Variants in NAXD observed in about 807,000 individuals in gnomAD.
The protein encoded by NAXD is ATP-dependent (S)-NAD(P)H-hydrate dehydratase.
Under a neutral mutation model 35.8 loss-of-function variants are expected in NAXD, and 22 were observed. The ratio of observed to expected loss-of-function variants is 0.62; its 90% CI spans 0.44 to 0.88. The LOEUF is 0.88. Ranked by LOEUF, NAXD falls within the 40% of genes least tolerant of loss-of-function variation. NAXD has a pLI of 0.00. For synonymous variants in NAXD, 189 were observed against 177.6 expected, an observed-to-expected ratio of 1.06 and a Z score of -0.51; for missense variants, 428 against 437.7, an observed-to-expected ratio of 0.98 and a Z score of 0.20.
chr13:110,617,712 A>G (rs1318618446), intron 1 of NAXD, among the ~76,000 whole-genome samples: 2 of 152,250 alleles, frequency 1.3e-5, no homozygotes, highest in Non-Finnish European at 2.9e-5. Flanking sequence ...CACAAAAATA[A>G]AAACAAAAAC....
Position 110,639,038 on chromosome 13 carries a change from C to A in NAXD, c.*510C>A, listed in dbSNP as rs1045614309. 3.6e-6 allele frequency: 1 copy of A among 277,356 alleles called. No homozygotes were observed. Among genetic ancestry groups the A allele is most frequent in the Admixed American group, 4.7e-5 (1 of 21,488 alleles). The allele number at this position is 277,356 out of a possible 1,614,324, so 17.2% of individuals were successfully genotyped here. ...AGGGCTGCTTCGTTCTCCAGCTCAT[C>A]TTCTTTTAAAGTGGTGACTAGCTTG... On this transcript the variant is annotated 3_prime_UTR_variant, in exon 10 of 10. Coordinates refer to ENST00000680254, the MANE Select transcript of NAXD (RefSeq NM_001242882.2).
Position 110,638,518 on chromosome 13 carries a change from T to C in NAXD, c.980T>C (p.Phe327Ser), listed in dbSNP as rs1377176561. ...AEVGAAFSKLFET is the reference protein window; with the variant it reads ...AEVGAAFSKLSET ...GTGGGGGCCGCCTTCAGCAAGCTCT[T>C]TGAAACCTGAGCCCGCGCAGACCAG... Residue 327 changes from phenylalanine to serine, a missense_variant, in exon 10 of 10, where the codon TTT becomes TCT. Phe to Ser is a radical substitution (Grantham distance 155). Coordinates refer to ENST00000680254, the MANE Select transcript of NAXD (RefSeq NM_001242882.2). The surrounding 1 kb of genome is among the most constrained non-coding windows in gnomAD (Gnocchi z 5.4). 6.2e-7 allele frequency: 1 copy of C among 1,612,452 alleles called. No individual in the cohort carries two copies. Among genetic ancestry groups the C allele is most frequent in the African/African-American group, 1.3e-5 (1 of 75,028 alleles).
In NAXD at chr13:110,628,597, G is replaced by C. The variant is rs964320142; in HGVS notation, c.441+1050G>C. 1.1e-4 allele frequency among the ~76,000 whole-genome samples: 17 copies of C among 152,128 alleles called. 1 individual carries two copies. The highest frequency in any genetic ancestry group is 2.4e-5 in the African/African-American group (1 of 41,424). On this transcript the variant is annotated intron_variant, in intron 5 of 9. Transcript: ENST00000680254. The surrounding 1 kb of genome is among the most constrained non-coding windows in gnomAD (Gnocchi z 4.1). ...TGCAGGATGAGTCATCTGAGGGGCAGGCAGACGCAGGCTGACACTGCACAG... is the reference window on the plus strand; with the variant it reads ...TGCAGGATGAGTCATCTGAGGGGCACGCAGACGCAGGCTGACACTGCACAG...
intron 2 of NAXD, among the ~76,000 whole-genome samples, chr13:110,623,112 G>A (rs73629967): frequency 0.046 from 7,023 of 152,172 alleles, 358 homozygotes; most frequent in African/African-American, 0.13. Flanking sequence ...TAGTGAAGTC[G>A]ACAAGCTTTC....
At position 110,615,748 on chromosome 13, in the gene NAXD, C is replaced by G; in HGVS notation, c.46+101C>G. Reference sequence around the variant, plus strand: ...GTCGCATTGCTCTCGGCCGCACTCGCGCTGTACGGGCCGCCACTGGACGCA... The same window carrying G: ...GTCGCATTGCTCTCGGCCGCACTCGGGCTGTACGGGCCGCCACTGGACGCA... On this transcript the variant is annotated intron_variant, in intron 1 of 9. Coordinates refer to ENST00000680254, the MANE Select transcript of NAXD (RefSeq NM_001242882.2). The G allele has an allele frequency of 6.8e-7, 1 of 1,471,622 alleles. No homozygotes were observed. Among genetic ancestry groups the G allele is most frequent in the Non-Finnish European group, 9.0e-7 (1 of 1,115,172 alleles). The allele number at this position is 1,471,622 out of a possible 1,614,324, so 91.2% of individuals were successfully genotyped here.
chr13:110,633,939 G>A (rs935820119), intron 5 of NAXD, among the ~76,000 whole-genome samples: 2 of 152,144 alleles, frequency 1.3e-5, no homozygotes, highest in Admixed American at 6.5e-5. Context: ...CGAATGCTGC[G>A]TATTAGTATC....
rs1390841331 is a variant in NAXD at position 110,622,273 on chromosome 13, C to T, written c.104C>T (p.Thr35Ile). 1.2e-6 allele frequency: 2 copies of T among 1,613,988 alleles called. No homozygotes were observed. Among genetic ancestry groups the T allele is most frequent in the Admixed American group, 1.7e-5 (1 of 59,986 alleles). ...CATTCGATAAAGGATATGGAAAATA[C>T]TTTGCAGCTGGTGAGAAATATCATA... ...KAHSIKDMEN[T>I]LQLVRNIIPP... Residue 35 changes from threonine (T) to isoleucine (I), a missense_variant, in exon 2 of 10, where the codon ACT becomes ATT. Coordinates refer to ENST00000680254, the MANE Select transcript of NAXD (RefSeq NM_001242882.2).
chr13:110,629,169 G>T (rs9588209), intron 5 of NAXD, among the ~76,000 whole-genome samples: 22,479 of 152,128 alleles, frequency 0.15, 1,961 homozygotes, highest in Admixed American at 0.26. Flanking sequence ...TCTGGTGTAG[G>T]CCTGAAAACA....
At chr13:110,637,318 T>C (rs1886964995) in intron 9 of NAXD, 69 bp downstream of exon 9, 3 of 1,567,802 alleles carry the variant, frequency 1.9e-6, no homozygotes, top group Non-Finnish European at 8.8e-7. Context: ...CAGTAGCTCA[T>C]GCGTTGAATA....
chr13:110,637,889 G>C (rs1316193130), intron 9 of NAXD: 1 of 487,608 alleles, frequency 2.1e-6, no homozygotes, highest in African/African-American at 1.9e-5. Flanking sequence ...CAAACTAGGT[G>C]TGTCCACATG....
intron 1 of NAXD, among the ~76,000 whole-genome samples, chr13:110,620,458 T>C (rs1212643543): frequency 6.6e-6 from 1 of 151,842 alleles, no homozygotes; most frequent in African/African-American, 2.4e-5. Flanking sequence ...CATGCGCCTG[T>C]AGTCCCAGCT....
At chr13:110,624,352 A>C (rs935808383) in intron 3 of NAXD, 73 bp downstream of exon 3, 1 of 936,972 alleles carries the variant, frequency 1.1e-6, no homozygotes, top group Non-Finnish European at 1.7e-6. Flanking sequence ...TGATTAAAGC[A>C]AATGTTTTCT....
chr13:110,616,590 G>T (rs557001439), intron 1 of NAXD, among the ~76,000 whole-genome samples: 1 of 152,232 alleles, frequency 6.6e-6, no homozygotes, highest in Non-Finnish European at 1.5e-5. Context: ...AATTTAAACA[G>T]GAGCTGAGCA....
Position 110,638,172 on chromosome 13 carries a change from G to A in NAXD, c.840-206G>A. The A allele has an allele frequency of 1.4e-6, 2 of 1,431,494 alleles. No individual in the cohort carries two copies. The highest frequency in any genetic ancestry group is 4.5e-5 in the Admixed American group (2 of 44,730). 88.7% of individuals were successfully genotyped at this position (1,431,494 alleles called of 1,614,324 possible). A position where few individuals can be genotyped will look rare whatever the true frequency, so the allele number is the denominator to read the frequency against. ...CTCCGAGTACATAGACGTTTCCTGT[G>A]TGCCTCCTGCCAGGGAGTAGTGGAG... On this transcript the variant is annotated intron_variant, in intron 9 of 9. Coordinates refer to ENST00000680254, the MANE Select transcript of NAXD (RefSeq NM_001242882.2). This position sits in a 1 kb window ranked among gnomAD's most constrained non-coding sequence, Gnocchi z 5.4.
intron 4 of NAXD, among the ~76,000 whole-genome samples, chr13:110,626,944 C>A (rs1421268531): frequency 6.6e-6 from 1 of 152,132 alleles, no homozygotes; most frequent in Non-Finnish European, 1.5e-5. Context: ...TACAGCCACA[C>A]ATGTATGTGA....
At position 110,638,389 on chromosome 13, in the gene NAXD, TC is replaced by T; in HGVS notation, c.853del (p.Leu285TrpfsTer31). On this transcript the variant is annotated frameshift_variant, in exon 10 of 10. Coordinates refer to ENST00000680254, the MANE Select transcript of NAXD (RefSeq NM_001242882.2). LOFTEE classifies it low-confidence loss of function (END_TRUNC). This position sits in a 1 kb window ranked among gnomAD's most constrained non-coding sequence, Gnocchi z 5.4. Reference protein sequence around the residue: ...GPQKTNGSSPLLVAAFGACSL... With the variant: ...GPQKTNGSSPXLVAAFGACSL... ...CCCCCTCTCCGCAGGTCCAGCCCTC[TC>T]CTGGTGGCCGCGTTTGGCGCCTGCT... 6.2e-7 allele frequency: 1 copy of T among 1,613,742 alleles called. No individual in the cohort carries two copies.
intron 1 of NAXD, 92 bp downstream of exon 1, chr13:110,615,739 C>T (rs1886023618): frequency 6.7e-7 from 1 of 1,492,936 alleles, no homozygotes; most frequent in African/African-American, 1.4e-5. Flanking sequence ...TTGCTCTCGG[C>T]CGCACTCGCG....
At chr13:110,626,099 G>T (rs778914829) in intron 4 of NAXD, among the ~76,000 whole-genome samples, 1 of 152,102 alleles carries the variant, frequency 6.6e-6, no homozygotes, top group Non-Finnish European at 1.5e-5. Context: ...GGGCCCCACA[G>T]GGTGTGGGGC....
At chr13:110,634,805 A>T (rs765861319) in intron 7 of NAXD, 29 bp downstream of exon 7, 1 of 1,545,052 alleles carries the variant, frequency 6.5e-7, no homozygotes, top group Non-Finnish European at 8.9e-7. Context: ...TGGAGGGTAG[A>T]TGCAAGCCCT....
Sources: gnomAD v4.1 joint callset for allele counts (sites outside exome capture counted in the v4.1 genomes callset) on GRCh38, gnomAD v4.1.1 for gene constraint, Gnocchi (gnomAD v3.1) non-coding constraint, MANE v1.5 for transcripts, NCBI Gene and HGNC (gene_info 2026-07-23, HGNC 2026-07-21) for gene names.